The following DOCK3 variants were observed in gnomAD, a reference collection of about 807,000 sequenced individuals.
The protein encoded by DOCK3 is dedicator of cytokinesis protein 3.
In DOCK3, 60 loss-of-function variants were observed where a neutral mutation model predicts 265.6. The ratio of observed to expected loss-of-function variants is 0.23; its 90% CI spans 0.18 to 0.28. The LOEUF (loss-of-function observed/expected upper bound fraction) is 0.28, where lower values mean the gene tolerates loss of function less well. DOCK3 is among the 10% of genes least tolerant of loss of function. DOCK3 has a pLI of 1.00. For missense variants in DOCK3, 1,981 were observed against 2,594.3 expected, an observed-to-expected ratio of 0.76 and a Z score of 5.14; for synonymous variants, 881 against 938.0, an observed-to-expected ratio of 0.94 and a Z score of 1.11.
chr3:51,347,295 C>T (rs1274745885), intron 38 of DOCK3, among the ~76,000 whole-genome samples: 2 of 151,868 alleles, frequency 1.3e-5, no homozygotes, highest in Non-Finnish European at 2.9e-5. Context: ...GTCTTTAATC[C>T]ATCTTAAATT....
intron 38 of DOCK3, among the ~76,000 whole-genome samples, chr3:51,346,775 C>T (rs1303108588): frequency 6.6e-6 from 1 of 151,788 alleles, no homozygotes; most frequent in Non-Finnish European, 1.5e-5. Flanking sequence ...AGTGTTCCTA[C>T]TTCTCCCCAT....
At chr3:50,733,604 T>C (rs1559566076) in intron 1 of DOCK3, among the ~76,000 whole-genome samples, 1 of 152,204 alleles carries the variant, frequency 6.6e-6, no homozygotes, top group Non-Finnish European at 1.5e-5. Flanking sequence ...TTCCAGGCTA[T>C]GTGTGTTCTT....
At chr3:51,355,144 A>T in intron 41 of DOCK3, 121 bp downstream of exon 41, 1 of 1,342,902 alleles carries the variant, frequency 7.4e-7, no homozygotes, top group Non-Finnish European at 9.9e-7. Context: ...ATAGTCCTAA[A>T]CCTGAGTGTG....
At chr3:50,711,673 A>G (rs954869869) in intron 1 of DOCK3, among the ~76,000 whole-genome samples, 7 of 152,302 alleles carry the variant, frequency 4.6e-5, no homozygotes, top group Non-Finnish European at 7.3e-5. Flanking sequence ...TTCTGATATT[A>G]GGGTAATACT....
chr3:51,206,232 T>C (rs1205241212), intron 12 of DOCK3, among the ~76,000 whole-genome samples: 2 of 152,198 alleles, frequency 1.3e-5, no homozygotes, highest in African/African-American at 4.8e-5. Flanking sequence ...ATTAGCAACA[T>C]TTAAGCTATA....
At chr3:51,105,808 T>C (rs1321345046) in intron 9 of DOCK3, among the ~76,000 whole-genome samples, 1 of 152,124 alleles carries the variant, frequency 6.6e-6, no homozygotes, top group Non-Finnish European at 1.5e-5. Context: ...AGAGGCTGGA[T>C]TGAAGGGGGA....
chr3:51,147,810 T>C (rs1248922142), intron 10 of DOCK3, among the ~76,000 whole-genome samples: 1 of 152,212 alleles, frequency 6.6e-6, no homozygotes, highest in Admixed American at 6.5e-5. Context: ...TACATCTCCA[T>C]GTGTCTTAAT....
At chr3:51,107,796 T>C (rs2083350615) in intron 9 of DOCK3, among the ~76,000 whole-genome samples, 1 of 152,122 alleles carries the variant, frequency 6.6e-6, no homozygotes, top group Non-Finnish European at 1.5e-5. Context: ...CTTCCCAACC[T>C]AGCTAGAGGG....
chr3:51,155,939 C>T (rs1196895443), intron 10 of DOCK3, among the ~76,000 whole-genome samples: 1 of 152,066 alleles, frequency 6.6e-6, no homozygotes, highest in Non-Finnish European at 1.5e-5. Context: ...TATTTGCTGT[C>T]ATATTTAAGT....
chr3:51,128,533 G>A (rs188506260), intron 9 of DOCK3, among the ~76,000 whole-genome samples: 1 of 152,160 alleles, frequency 6.6e-6, no homozygotes, highest in African/African-American at 2.4e-5. Flanking sequence ...ATACCATGAC[G>A]GTGGATGAGG....
intron 1 of DOCK3, among the ~76,000 whole-genome samples, chr3:50,738,023 C>T (rs1269872175): frequency 1.3e-5 from 2 of 152,178 alleles, no homozygotes; most frequent in Non-Finnish European, 2.9e-5. Context: ...CTCTTTCAGT[C>T]TTTACAGGCT....
chr3:50,877,539 G>A (rs1575424508), intron 3 of DOCK3: 1 of 520,098 alleles, frequency 1.9e-6, no homozygotes, highest in East Asian at 5.4e-5. Flanking sequence ...TGAAGATACT[G>A]ACTGTGTTGA....
At chr3:51,351,394 C>T (rs919036552) in intron 40 of DOCK3, among the ~76,000 whole-genome samples, 18 of 152,288 alleles carry the variant, frequency 1.2e-4, no homozygotes, top group African/African-American at 3.8e-4. Flanking sequence ...AAAGGTCAAC[C>T]GGGCTTAATA....
At chr3:50,701,128 T>A in intron 1 of DOCK3, among the ~76,000 whole-genome samples, 1 of 97,158 alleles carries the variant, frequency 1.0e-5, no homozygotes, top group South Asian at 2.9e-4. Flanking sequence ...GTGGCCCTTG[T>A]TTTTTTTTTT....
intron 32 of DOCK3, among the ~76,000 whole-genome samples, chr3:51,321,663 C>T (rs777837496): frequency 2.0e-5 from 3 of 151,902 alleles, no homozygotes; most frequent in Non-Finnish European, 4.4e-5. Flanking sequence ...AAACACGGCA[C>T]GAGAACTATA....
chr3:51,172,827 CTG>C (rs1292126081), intron 12 of DOCK3, among the ~76,000 whole-genome samples: 3 of 152,004 alleles, frequency 2.0e-5, no homozygotes, highest in Non-Finnish European at 4.4e-5. Context: ...GGGTTTTTCT[CTG>C]TGCCTACTAT....
chr3:51,260,215 T>C lies in DOCK3; in HGVS notation c.2244T>C (p.Thr748=), dbSNP rs911881821. Residue 748 remains threonine (T), a synonymous_variant, in exon 23 of 53, where the codon ACT becomes ACC. Coordinates refer to ENST00000266037, the MANE Select transcript of DOCK3 (RefSeq NM_004947.5). ...VQSRILYSRA[T]CGMEEEQFRS... is the part of the protein sequence containing the mutation. The stretch of plus-strand genomic sequence containing the variant: ...CACGGATCCTGTACTCACGAGCCAC[T>C]TGTGGAATGGAAGAGGAACAATTCA... 3.7e-6 allele frequency: 6 copies of C among 1,613,794 alleles called. No homozygotes were observed. The African/African-American group carries it at 6.7e-5, about 18-fold the overall frequency.
chr3:50,699,692 T>C (rs1030923367), intron 1 of DOCK3, among the ~76,000 whole-genome samples: 1 of 152,130 alleles, frequency 6.6e-6, no homozygotes, highest in Non-Finnish European at 1.5e-5. Flanking sequence ...ATCTGTCTTC[T>C]GCAGAGAGGG....
chr3:51,044,861 G>T (rs533345441), intron 5 of DOCK3, among the ~76,000 whole-genome samples: 2 of 151,998 alleles, frequency 1.3e-5, no homozygotes, highest in Admixed American at 6.6e-5. Flanking sequence ...ACCTCTCTTC[G>T]CATTCATAGA....
Sources: gnomAD v4.1 joint callset for allele counts (sites outside exome capture counted in the v4.1 genomes callset) on GRCh38, gnomAD v4.1.1 for gene constraint, MANE v1.5 for transcripts, NCBI Gene and HGNC (gene_info 2026-07-23, HGNC 2026-07-21) for gene names.